PPM1E: variants seen among roughly 807,000 people sequenced by gnomAD.
The protein encoded by PPM1E is protein phosphatase, Mg2+/Mn2+ dependent 1E.
PPM1E carries 20 observed loss-of-function variants against 65.9 expected under a neutral mutation model. The observed-to-expected ratio is 0.30, with a 90% CI of 0.21 to 0.44. The LOEUF (loss-of-function observed/expected upper bound fraction) is 0.44. Ranked by LOEUF, PPM1E falls within the 20% of genes least tolerant of loss-of-function variation. The pLI is 1.00. For synonymous variants in PPM1E, 352 were observed against 374.9 expected (o/e 0.94, Z 0.70); for missense variants, 713 against 953.1 (o/e 0.75, Z 3.32).
intron 6 of PPM1E, among the ~76,000 whole-genome samples, chr17:58,975,137 G>A (rs2030916121): frequency 6.6e-6 from 1 of 152,156 alleles, no homozygotes; most frequent in South Asian, 2.1e-4. Flanking sequence ...TACTATCTGT[G>A]GAACCAATTT....
At chr17:58,955,467 G>A (rs898988552) in intron 1 of PPM1E, 182 bp from the exon 2 acceptor site, 1 of 683,610 alleles carries the variant, frequency 1.5e-6, no homozygotes, top group African/African-American at 1.8e-5. Context: ...CCATGTCTGT[G>A]TTATGCATCA....
At chr17:58,907,078 TACAC>T (rs973419125) in intron 1 of PPM1E, among the ~76,000 whole-genome samples, 1 of 151,908 alleles carries the variant, frequency 6.6e-6, no homozygotes, top group African/African-American at 2.4e-5. Context: ...CTACTAAAAA[TACAC>T]ACACAAAAAA....
intron 1 of PPM1E, among the ~76,000 whole-genome samples, chr17:58,856,711 T>TCATTATAA (rs2050886280): frequency 6.6e-6 from 1 of 152,194 alleles, no homozygotes; most frequent in South Asian, 2.1e-4. Flanking sequence ...AAAGACCATG[T>TCATTATAA]GAAGACAGAG....
Position 58,980,919 on chromosome 17 carries a change from C to A in PPM1E, c.2156C>A (p.Ser719Tyr). 2.5e-6 allele frequency: 4 copies of A among 1,614,140 alleles called. No individual in the cohort carries two copies. Among genetic ancestry groups the A allele is most frequent in the East Asian group, 2.2e-5 (1 of 44,878 alleles). The change falls in exon 7 of 7, where the codon TCT becomes TAT. Residue 719 changes from serine to tyrosine, a missense_variant. Transcript: ENST00000308249. The surrounding 1 kb of genome is among the most constrained non-coding windows in gnomAD (Gnocchi z 4.7). Reference sequence around the variant, plus strand: ...GGGAAGAGAAATAGGATAAGAAGTTCTCTGCCATGGAGGCAAAATAGTTGG... The same window carrying A: ...GGGAAGAGAAATAGGATAAGAAGTTATCTGCCATGGAGGCAAAATAGTTGG... ...GSGKRNRIRS[S>Y]LPWRQNSWKG...
chr17:58,950,936 G>A (rs1430262141), intron 1 of PPM1E, among the ~76,000 whole-genome samples: 5 of 151,706 alleles, frequency 3.3e-5, no homozygotes, highest in East Asian at 1.9e-4. Context: ...CCGCCACCAT[G>A]CCTGGCTAAT....
At chr17:58,855,222 T>C (rs2050869287) in intron 1 of PPM1E, among the ~76,000 whole-genome samples, 1 of 152,180 alleles carries the variant, frequency 6.6e-6, no homozygotes, top group South Asian at 2.1e-4. Flanking sequence ...TAACAAGGTC[T>C]CCCCTAAGGA....
intron 1 of PPM1E, among the ~76,000 whole-genome samples, chr17:58,781,621 G>T (rs2050050556): frequency 6.6e-6 from 1 of 151,844 alleles, no homozygotes; most frequent in African/African-American, 2.4e-5. Context: ...TTTTTTTGGG[G>T]CCAGGCACGG....
At chr17:58,770,980 C>A (rs1472743404) in intron 1 of PPM1E, among the ~76,000 whole-genome samples, 1 of 151,940 alleles carries the variant, frequency 6.6e-6, no homozygotes, top group African/African-American at 2.4e-5. Flanking sequence ...CCTCAGCCTT[C>A]CAAGTAGCTG....
chr17:58,938,433 G>GT (rs2052015715), intron 1 of PPM1E, among the ~76,000 whole-genome samples: 7 of 152,068 alleles, frequency 4.6e-5, no homozygotes, highest in Admixed American at 3.9e-4. Flanking sequence ...TCGTGTGTGT[G>GT]TAACTATGTA....
At chr17:58,866,624 C>T (rs758625882) in intron 1 of PPM1E, among the ~76,000 whole-genome samples, 6 of 152,166 alleles carry the variant, frequency 3.9e-5, no homozygotes, top group Non-Finnish European at 8.8e-5. Context: ...ATGCTGTCAA[C>T]TACCTCCATA....
intron 1 of PPM1E, among the ~76,000 whole-genome samples, chr17:58,832,185 A>G (rs2050613017): frequency 6.6e-6 from 1 of 152,078 alleles, no homozygotes; most frequent in Non-Finnish European, 1.5e-5. Flanking sequence ...GAGATAACCT[A>G]GTTTCTCTAT....
intron 1 of PPM1E, among the ~76,000 whole-genome samples, chr17:58,864,515 C>CTGG (rs891070354): frequency 1.3e-5 from 2 of 152,140 alleles, no homozygotes; most frequent in Non-Finnish European, 2.9e-5. Flanking sequence ...TGGCTTGCGC[C>CTGG]TGTAAGTCCA....
At chr17:58,935,825 T>G (rs560216991) in intron 1 of PPM1E, among the ~76,000 whole-genome samples, 12 of 152,004 alleles carry the variant, frequency 7.9e-5, no homozygotes, top group Non-Finnish European at 1.6e-4. Context: ...TTTTTTAAAT[T>G]TTATTATTAT....
chr17:58,773,227 T>C (rs192685680), intron 1 of PPM1E, among the ~76,000 whole-genome samples: 4 of 152,116 alleles, frequency 2.6e-5, no homozygotes, highest in Admixed American at 6.6e-5. Context: ...TCTGGAGAGA[T>C]AGAAGCATAC....
intron 1 of PPM1E, among the ~76,000 whole-genome samples, chr17:58,811,485 T>C (rs559619811): frequency 1.9e-4 from 29 of 152,280 alleles, no homozygotes; most frequent in African/African-American, 7.0e-4. Context: ...CAATATCTGT[T>C]ATTAATTTGT....
chr17:58,900,858 C>T (rs1416492154), intron 1 of PPM1E, among the ~76,000 whole-genome samples: 1 of 152,130 alleles, frequency 6.6e-6, no homozygotes, highest in African/African-American at 2.4e-5. Context: ...AGGTTATGCT[C>T]ATCTTGAACT....
chr17:58,973,017 T>A (rs1164667399), intron 6 of PPM1E, 92 bp downstream of exon 6: 12 of 783,956 alleles, frequency 1.5e-5, no homozygotes, highest in Non-Finnish European at 2.5e-5. Flanking sequence ...AGATGATAAT[T>A]TATGTTACCA....
intron 1 of PPM1E, among the ~76,000 whole-genome samples, chr17:58,784,171 C>T (rs1456949847): frequency 1.3e-5 from 2 of 151,730 alleles, no homozygotes; most frequent in Admixed American, 1.3e-4. Context: ...TACAGGTACG[C>T]ACCACCACAC....
chr17:58,891,256 C>T (rs1047203245), intron 1 of PPM1E, among the ~76,000 whole-genome samples: 3 of 151,714 alleles, frequency 2.0e-5, no homozygotes, highest in African/African-American at 4.8e-5. Context: ...ATGAGCCACT[C>T]GCACCTGGTG....
Sources: allele counts gnomAD v4.1 joint callset (sites outside exome capture counted in the v4.1 genomes callset), GRCh38; gene constraint gnomAD v4.1.1; non-coding constraint Gnocchi (gnomAD v3.1); transcripts MANE v1.5; gene names NCBI Gene and HGNC (gene_info 2026-07-23, HGNC 2026-07-21).